The following KCNT1 variants were observed in gnomAD, a reference collection of about 807,000 sequenced individuals.
KCNT1 encodes potassium sodium-activated channel subfamily T member 1.
A neutral mutation model predicts 147.8 loss-of-function variants in KCNT1; 78 were observed. The ratio of observed to expected loss-of-function variants is 0.53; its 90% CI spans 0.44 to 0.64. The LOEUF is 0.64. Ranked by LOEUF, KCNT1 falls within the 30% of genes least tolerant of loss-of-function variation. The pLI is 0.00. For missense variants in KCNT1, 1,419 were observed against 1,750.3 expected, an observed-to-expected ratio of 0.81 and a Z score of 3.38; for synonymous variants, 867 against 748.8, an observed-to-expected ratio of 1.16 and a Z score of -2.58.
intron 27 of KCNT1, 139 bp from the exon 28 acceptor site, chr9:135,785,171 G>A (rs1370428778): frequency 3.0e-6 from 4 of 1,326,924 alleles, no homozygotes; most frequent in South Asian, 1.4e-5. Context: ...AATACGGGCA[G>A]CCCCTGTGCT....
chr9:135,758,271 A>C, intron 9 of KCNT1, 143 bp from the exon 10 acceptor site: 3 of 640,212 alleles, frequency 4.7e-6, no homozygotes, highest in Non-Finnish European at 8.4e-6. Flanking sequence ...AGGTGTGGCC[A>C]GGTACAGGCT....
At chr9:135,786,788 C>T (rs1834089677) in intron 29 of KCNT1, among the ~76,000 whole-genome samples, 1 of 152,260 alleles carries the variant, frequency 6.6e-6, no homozygotes, top group South Asian at 2.1e-4. Flanking sequence ...GACCCTTGGG[C>T]ATCCCTGGTG....
At chr9:135,769,065 G>C in intron 15 of KCNT1, 128 bp downstream of exon 15, 1 of 719,262 alleles carries the variant, frequency 1.4e-6, no homozygotes, top group Non-Finnish European at 2.3e-6. Flanking sequence ...CAGGACGCGT[G>C]TGCACACGTG....
chr9:135,784,085 G>T lies in KCNT1; in HGVS notation c.2903G>T (p.Arg968Leu), dbSNP rs1325608473. The change falls in exon 25 of 31, where the codon CGC becomes CTC. Residue 968 changes from arginine to leucine, a missense_variant. This residue lies in a region of KCNT1 where 247 missense variants were observed against 397.1 expected (regional missense o/e 0.62). Coordinates refer to ENST00000371757, the MANE Select transcript of KCNT1 (RefSeq NM_020822.3). The stretch of plus-strand genomic sequence containing the variant: ...TTCCGCCTGCCGTTCGCCGCCGGCC[G>T]CGTCTTCAGCATCAGCATGTTGGAC... Reference protein sequence around the residue: ...FMFRLPFAAGRVFSISMLDTL... With the variant: ...FMFRLPFAAGLVFSISMLDTL... The T allele has an allele frequency of 1.2e-6, 2 of 1,605,742 alleles. No individual in the cohort carries two copies. The highest frequency in any genetic ancestry group is 8.5e-7 in the Non-Finnish European group (1 of 1,179,964).
chr9:135,732,032 A>AGG, intron 2 of KCNT1, among the ~76,000 whole-genome samples: 2 of 133,258 alleles, frequency 1.5e-5, no homozygotes, highest in Non-Finnish European at 3.3e-5. Flanking sequence ...AGAGAGAGAG[A>AGG]GAGAGAGAGG....
At chr9:135,719,016 C>G (rs1358445570) in intron 2 of KCNT1, among the ~76,000 whole-genome samples, 1 of 152,216 alleles carries the variant, frequency 6.6e-6, no homozygotes, top group Non-Finnish European at 1.5e-5. Flanking sequence ...CCACTGCTTA[C>G]CAGATGGTGT....
At position 135,792,119 on chromosome 9, in the gene KCNT1, G is replaced by A; in HGVS notation, c.3666G>A (p.Leu1222=). ...GGAAGAGCAGCTGCAGCCACAAGCT[G>A]TCGTCCTGCAACCCCGAGACTCGCG... is the stretch of plus-strand genomic sequence containing the variant. ...QSRKSSCSHK[L]SSCNPETRDE... is the part of the protein sequence containing the mutation. The change falls in exon 31 of 31, where the codon CTG becomes CTA. Residue 1222 remains leucine (L), a synonymous_variant. Transcript: ENST00000371757. 5 of 1,605,880 alleles carry A rather than the reference G, an allele frequency of 3.1e-6. No homozygotes were observed. The South Asian group carries it at 3.3e-5, about 11-fold the overall frequency.
intron 5 of KCNT1, 50 bp from the exon 6 acceptor site, chr9:135,755,071 G>A (rs745663025): frequency 1.5e-4 from 226 of 1,534,822 alleles, no homozygotes; most frequent in Non-Finnish European, 2.0e-4. Context: ...GTGGCTGGGG[G>A]ACACTAGTGG....
chr9:135,774,829 G>A (rs1371025993), intron 19 of KCNT1, among the ~76,000 whole-genome samples: 1 of 152,080 alleles, frequency 6.6e-6, no homozygotes, highest in East Asian at 1.9e-4. Context: ...GACCAGGTGA[G>A]GGGTGAGCCC....
At chr9:135,778,161 G>A (rs996980900) in intron 21 of KCNT1, among the ~76,000 whole-genome samples, 2 of 152,190 alleles carry the variant, frequency 1.3e-5, no homozygotes, top group Non-Finnish European at 2.9e-5. Flanking sequence ...TTGCCCAGGG[G>A]ACCCTAGGAC....
At chr9:135,749,220 C>T (rs772910328) in intron 2 of KCNT1, among the ~76,000 whole-genome samples, 4 of 152,174 alleles carry the variant, frequency 2.6e-5, no homozygotes, top group African/African-American at 4.8e-5. Flanking sequence ...GGGCAGCAGC[C>T]GTCCACCCCC....
At chr9:135,786,611 G>A in intron 29 of KCNT1, 90 bp downstream of exon 29, 2 of 1,231,770 alleles carry the variant, frequency 1.6e-6, no homozygotes, top group Non-Finnish European at 2.2e-6. Flanking sequence ...GGCGTCCCGG[G>A]GCCCGGGCCG....
intron 11 of KCNT1, among the ~76,000 whole-genome samples, chr9:135,764,118 A>G (rs1167036668): frequency 6.6e-6 from 1 of 152,184 alleles, no homozygotes; most frequent in Admixed American, 6.5e-5. Flanking sequence ...CACATCAGCC[A>G]TGCAGCCCAC....
At chr9:135,721,667 C>A (rs1184440412) in intron 2 of KCNT1, among the ~76,000 whole-genome samples, 1 of 152,234 alleles carries the variant, frequency 6.6e-6, no homozygotes, top group Non-Finnish European at 1.5e-5. Context: ...AGGAAAGGCC[C>A]GGGATGGTGT....
intron 1 of KCNT1, among the ~76,000 whole-genome samples, chr9:135,705,111 A>G (rs1835199269): frequency 3.3e-5 from 5 of 152,208 alleles, no homozygotes; most frequent in Admixed American, 3.3e-4. Flanking sequence ...TGATTAACAC[A>G]GAAAATTACT....
chr9:135,703,584 T>A (rs774347425), intron 1 of KCNT1, among the ~76,000 whole-genome samples: 10 of 152,182 alleles, frequency 6.6e-5, no homozygotes, highest in Admixed American at 3.3e-4. Context: ...AGCCTGGACG[T>A]GCTCTGAGGG....
At chr9:135,710,916 A>C (rs1456546447) in intron 1 of KCNT1, among the ~76,000 whole-genome samples, 1 of 152,184 alleles carries the variant, frequency 6.6e-6, no homozygotes, top group Non-Finnish European at 1.5e-5. Flanking sequence ...TCCATCTCTC[A>C]GGAACGCTGT....
chr9:135,769,891 G>C (rs1003094523), intron 15 of KCNT1, 56 bp from the exon 16 acceptor site: 10 of 1,292,946 alleles, frequency 7.7e-6, no homozygotes, highest in Admixed American at 2.0e-5. Flanking sequence ...AGGTACTGTG[G>C]GGGAGGAGAG....
At chr9:135,769,191 A>C (rs1171407100) in intron 15 of KCNT1, among the ~76,000 whole-genome samples, 1 of 117,262 alleles carries the variant, frequency 8.5e-6, no homozygotes, top group Non-Finnish European at 1.8e-5. Context: ...GCGTGTGCAC[A>C]CGTGGGTGAC....
Sources: gnomAD v4.1 joint callset for allele counts (sites outside exome capture counted in the v4.1 genomes callset) on GRCh38, gnomAD v4.1.1 for gene constraint, gnomAD v4.1.1 regional missense constraint, MANE v1.5 for transcripts, NCBI Gene and HGNC (gene_info 2026-07-23, HGNC 2026-07-21) for gene names.